CRTAP: variants seen among roughly 807,000 people sequenced by gnomAD.
CRTAP encodes cartilage-associated protein.
Under a neutral mutation model 42.7 loss-of-function variants are expected in CRTAP, and 33 were observed. The ratio of observed to expected loss-of-function variants is 0.77; its 90% CI spans 0.59 to 1.03. The LOEUF (loss-of-function observed/expected upper bound fraction) is 1.03, where lower values mean the gene tolerates loss of function less well. CRTAP is among the 50% of genes least tolerant of loss of function. CRTAP has a pLI of 0.00. For missense variants in CRTAP, 613 were observed against 533.9 expected, an observed-to-expected ratio of 1.15 and a Z score of -1.46; for synonymous variants, 243 against 217.7, an observed-to-expected ratio of 1.12 and a Z score of -1.02.
At chr3:33,127,084 G>A (rs974032413) in intron 3 of CRTAP, among the ~76,000 whole-genome samples, 83 of 144,332 alleles carry the variant, frequency 5.8e-4, no homozygotes, top group Non-Finnish European at 8.7e-4. Context: ...GGCAAATTAT[G>A]AGAGAGATTT....
At chr3:33,122,341 T>C (rs150097372) in intron 2 of CRTAP, among the ~76,000 whole-genome samples, 3 of 152,086 alleles carry the variant, frequency 2.0e-5, no homozygotes, top group Admixed American at 6.5e-5. Flanking sequence ...TATTGACCCA[T>C]TCTTCAGGAA....
chr3:33,136,935 G>C (rs2030437229), intron 6 of CRTAP, among the ~76,000 whole-genome samples: 2 of 152,156 alleles, frequency 1.3e-5, no homozygotes, highest in African/African-American at 2.4e-5. Flanking sequence ...ATGGATTGCT[G>C]GGCCATATGG....
intron 3 of CRTAP, among the ~76,000 whole-genome samples, chr3:33,129,543 T>TC (rs2030178369): frequency 6.8e-6 from 1 of 146,158 alleles, no homozygotes; most frequent in Non-Finnish European, 1.5e-5. Flanking sequence ...TTCTTTTTTT[T>TC]TTTTTTTTTT....
In CRTAP at chr3:33,142,863, A is replaced by G. The variant is rs535993396; in HGVS notation, c.*415A>G. The G allele has an allele frequency of 6.4e-5, 14 of 219,936 alleles. No individual in the cohort carries two copies. The East Asian group carries it at 1.5e-3, about 23-fold the overall frequency. The allele number at this position is 219,936 out of a possible 1,614,324, so 13.6% of individuals were successfully genotyped here. ...GAGACGGGGTTTTGCCATGTTGGCC[A>G]GGCTGGTCTCGAACTCTTGACTTCA... On this transcript the variant is annotated 3_prime_UTR_variant, in exon 7 of 7. Transcript: ENST00000320954.
Position 33,147,459 on chromosome 3 carries a change from ATGAG to A in CRTAP, c.*5017_*5020del, listed in dbSNP as rs1197407360. 40 of 152,682 alleles carry A rather than the reference ATGAG, an allele frequency of 2.6e-4. No individual in the cohort carries two copies. The highest frequency in any genetic ancestry group is 8.4e-4 in the African/African-American group (35 of 41,592). The allele number at this position is 152,682 out of a possible 1,614,324, so 9.5% of individuals were successfully genotyped here. The stretch of plus-strand genomic sequence containing the variant: ...CTGGCTTTCGTTGCTTGTTGAATGA[ATGAG>A]TGAGTTGGCTCTATATCCCCTTGGA... On this transcript the variant is annotated 3_prime_UTR_variant, in exon 7 of 7. Transcript: ENST00000320954.
intron 5 of CRTAP, 35 bp from the exon 6 acceptor site, chr3:33,134,147 G>C (rs781709400): frequency 2.8e-6 from 4 of 1,407,386 alleles, no homozygotes; most frequent in South Asian, 1.2e-5. Context: ...TGAAAAGGTT[G>C]GTCCTATAAA....
rs1311153988 is a variant in CRTAP, at chr3:33,114,190, G to C, written c.113G>C (p.Arg38Pro). 4.4e-6 allele frequency: 7 copies of C among 1,592,908 alleles called. No homozygotes were observed. Among genetic ancestry groups the C allele is most frequent in the Non-Finnish European group, 5.1e-6 (6 of 1,176,186 alleles). The change falls in exon 1 of 7, where the codon CGG (arginine) becomes CCG (proline). Residue 38 changes from arginine (R) to proline (P), a missense_variant. By Grantham distance (103) the Arg-to-Pro change is moderately radical. Coordinates refer to ENST00000320954, the MANE Select transcript of CRTAP (RefSeq NM_006371.5). ...CGCTACAGCTTCCGCAGCTTCCCAC[G>C]GGACGAGCTGATGCCGCTCGAGTCG... is the stretch of plus-strand genomic sequence containing the variant. ...YERYSFRSFP[R>P]DELMPLESAY... is the part of the protein sequence containing the mutation.
rs139024557 is a variant in CRTAP at position 33,120,390 on chromosome 3, T to C, written c.518T>C (p.Leu173Pro). Residue 173 changes from leucine (L) to proline (P), a missense_variant, in exon 2 of 7, where the codon CTG (leucine) becomes CCG (proline). Leu to Pro is a moderately conservative substitution (Grantham distance 98). Coordinates refer to ENST00000320954, the MANE Select transcript of CRTAP (RefSeq NM_006371.5). ...KAIAAAHTFL[L>P]KHPDDEMMKR... ...ATCGCCGCTGCTCACACCTTTCTACTGAAGCATCCTGATGACGAAATGATG... is the reference window on the plus strand; with the variant it reads ...ATCGCCGCTGCTCACACCTTTCTACCGAAGCATCCTGATGACGAAATGATG... 3 of 1,614,080 alleles carry C rather than the reference T, an allele frequency of 1.9e-6. No homozygotes were observed. The highest frequency in any genetic ancestry group is 2.5e-6 in the Non-Finnish European group (3 of 1,180,022).
rs1305624500 is a variant in CRTAP, at chr3:33,147,521, CAAG to C, written c.*5078_*5080del. 1 of 152,208 alleles carries C rather than the reference CAAG, an allele frequency of 6.6e-6. No individual in the cohort carries two copies. 9.4% of individuals were successfully genotyped at this position (152,208 alleles called of 1,614,324 possible). ...GGTAAGATATTAGTGCCTCATTTTA[CAAG>C]AAGAGAATAGGAAGGAATTAAGCAA... On this transcript the variant is annotated 3_prime_UTR_variant, in exon 7 of 7. Coordinates refer to ENST00000320954, the MANE Select transcript of CRTAP (RefSeq NM_006371.5).
intron 1 of CRTAP, among the ~76,000 whole-genome samples, chr3:33,118,054 G>A (rs1221402780): frequency 6.6e-6 from 1 of 151,858 alleles, no homozygotes; most frequent in African/African-American, 2.4e-5. Context: ...TCCGCCCCCC[G>A]GGTTCAAGTG....
chr3:33,122,709 CAAAAAAA>C (rs58820155), intron 2 of CRTAP, among the ~76,000 whole-genome samples: 1 of 87,526 alleles, frequency 1.1e-5, no homozygotes, highest in African/African-American at 4.5e-5. Context: ...GACTCTGTCT[CAAAAAAA>C]AAAAAAAAAA....
chr3:33,133,058 A>C (rs2030316681), intron 5 of CRTAP, among the ~76,000 whole-genome samples: 1 of 152,040 alleles, frequency 6.6e-6, no homozygotes, highest in Admixed American at 6.6e-5. Flanking sequence ...AATCAAGGAA[A>C]AGTCATTTTT....
chr3:33,114,239 G>A lies in CRTAP; in HGVS notation c.162G>A (p.Lys54=), dbSNP rs753943184. 17 of 1,590,812 alleles carry A rather than the reference G, an allele frequency of 1.1e-5. No homozygotes were observed. Among genetic ancestry groups the A allele is most frequent in the Middle Eastern group, 1.7e-4 (1 of 5,948 alleles). ...LESAYRHALD[K]YSGEHWAESV... is the part of the protein sequence containing the mutation. ...CGGCCTACCGGCACGCGCTGGACAA[G>A]TACAGCGGCGAGCACTGGGCCGAGA... The change falls in exon 1 of 7, where the codon AAG becomes AAA. Residue 54 remains lysine (K), a synonymous_variant. Transcript: ENST00000320954.
intron 6 of CRTAP, among the ~76,000 whole-genome samples, chr3:33,139,949 G>A (rs1013724304): frequency 6.6e-6 from 1 of 152,052 alleles, no homozygotes; most frequent in African/African-American, 2.4e-5. Flanking sequence ...CTTTTTGTAG[G>A]CATTTAGTTT....
intron 1 of CRTAP, among the ~76,000 whole-genome samples, chr3:33,115,025 C>G (rs1224119865): frequency 6.6e-6 from 1 of 152,156 alleles, no homozygotes; most frequent in East Asian, 1.9e-4. Flanking sequence ...CTCACTGCAG[C>G]CTTGACCTCC....
At chr3:33,124,931 C>T (rs549440160) in intron 3 of CRTAP, among the ~76,000 whole-genome samples, 1 of 152,256 alleles carries the variant, frequency 6.6e-6, no homozygotes, top group African/African-American at 2.4e-5. Flanking sequence ...GGCAATTTTC[C>T]AACACATATA....
At chr3:33,117,017 G>A (rs1305814593) in intron 1 of CRTAP, among the ~76,000 whole-genome samples, 1 of 152,178 alleles carries the variant, frequency 6.6e-6, no homozygotes, top group Non-Finnish European at 1.5e-5. Flanking sequence ...TGAGGCTGGA[G>A]GATCACTTGA....
chr3:33,118,452 C>A (rs1332749648), intron 1 of CRTAP, among the ~76,000 whole-genome samples: 2 of 152,174 alleles, frequency 1.3e-5, no homozygotes, highest in Non-Finnish European at 2.9e-5. Context: ...ATTGGCATTC[C>A]CAAAACATCA....
chr3:33,135,014 A>G (rs1267483579), intron 6 of CRTAP, among the ~76,000 whole-genome samples: 3 of 152,178 alleles, frequency 2.0e-5, no homozygotes, highest in Non-Finnish European at 4.4e-5. Context: ...TCTGAATAAG[A>G]CATCTTCGTG....
Sources: gnomAD v4.1 joint callset for allele counts (sites outside exome capture counted in the v4.1 genomes callset) on GRCh38, gnomAD v4.1.1 for gene constraint, MANE v1.5 for transcripts, NCBI Gene and HGNC (gene_info 2026-07-23, HGNC 2026-07-21) for gene names.